Variants in RBFOX1 observed in about 807,000 individuals in gnomAD.
The protein encoded by RBFOX1 is RNA binding fox-1 homolog 1, also known as RNA binding protein fox-1 homolog 1.
RBFOX1 carries 8 observed loss-of-function variants against 57.7 expected under a neutral mutation model. That is an observed-to-expected ratio of 0.14 (90% CI 0.08 to 0.25). RBFOX1 has a LOEUF of 0.25. Among genes scored for constraint, RBFOX1 ranks in the 10% least tolerant of loss-of-function variants. The pLI is 1.00. For synonymous variants in RBFOX1, 326 were observed against 222.4 expected (o/e 1.47, Z -4.15); for missense variants, 611 against 548.5 (o/e 1.11, Z -1.14).
chr16:5,275,074 G>A (rs1596364146), intron 1 of RBFOX1, among the ~76,000 whole-genome samples: 1 of 152,194 alleles, frequency 6.6e-6, no homozygotes, highest in East Asian at 1.9e-4. Context: ...GGTCACAGAG[G>A]CTGCCACAAT....
intron 14 of RBFOX1, among the ~76,000 whole-genome samples, chr16:7,679,607 C>G (rs1207904049): frequency 1.3e-5 from 2 of 152,016 alleles, no homozygotes; most frequent in Non-Finnish European, 2.9e-5. Context: ...AGGATTTTAC[C>G]TTTTTTCAGC....
chr16:6,295,675 G>A (rs546023109), intron 1 of RBFOX1, among the ~76,000 whole-genome samples: 204 of 152,188 alleles, frequency 1.3e-3, no homozygotes, highest in Non-Finnish European at 2.4e-3. Context: ...CTGGAATGAA[G>A]CTGGTGATCC....
At chr16:6,081,778 A>G (rs183307443) in intron 1 of RBFOX1, among the ~76,000 whole-genome samples, 462 of 152,278 alleles carry the variant, frequency 3.0e-3, no homozygotes, top group African/African-American at 0.011. Context: ...AACAAAGTGA[A>G]CAGCCGTGTG....
intron 4 of RBFOX1, chr16:7,332,856 C>G: frequency 6.8e-7 from 1 of 1,466,446 alleles, no homozygotes; most frequent in Non-Finnish European, 9.0e-7. Context: ...TTTCTTTCCT[C>G]TCCCGGCGTT....
At chr16:5,715,099 T>C (rs1276367085) in intron 3 of RBFOX1, among the ~76,000 whole-genome samples, 2 of 152,246 alleles carry the variant, frequency 1.3e-5, no homozygotes, top group Non-Finnish European at 2.9e-5. Flanking sequence ...GTTTAGCAAA[T>C]GCTCAGTACC....
intron 4 of RBFOX1, among the ~76,000 whole-genome samples, chr16:7,476,231 C>T (rs1405799678): frequency 6.6e-6 from 1 of 152,212 alleles, no homozygotes; most frequent in Admixed American, 6.5e-5. Flanking sequence ...CCTAGGCCTC[C>T]CAAAGTGCTG....
intron 5 of RBFOX1, among the ~76,000 whole-genome samples, chr16:7,547,580 AG>A (rs1342068259): frequency 6.6e-6 from 1 of 152,262 alleles, no homozygotes; most frequent in Non-Finnish European, 1.5e-5. Context: ...TTTAATAGTC[AG>A]TTGACCACAC....
At chr16:5,910,312 C>T (rs1165706988) in intron 4 of RBFOX1, among the ~76,000 whole-genome samples, 1 of 152,132 alleles carries the variant, frequency 6.6e-6, no homozygotes, top group Non-Finnish European at 1.5e-5. Context: ...CACGTTCTCC[C>T]GTTCCCTGCC....
chr16:5,275,741 C>G (rs2063124416), intron 1 of RBFOX1, among the ~76,000 whole-genome samples: 3 of 152,112 alleles, frequency 2.0e-5, no homozygotes, highest in South Asian at 2.1e-4. Context: ...CAAAACTAAG[C>G]AAAAAGAACC....
At chr16:5,954,292 C>G (rs1422270284) in intron 4 of RBFOX1, among the ~76,000 whole-genome samples, 3 of 152,134 alleles carry the variant, frequency 2.0e-5, no homozygotes, top group Non-Finnish European at 4.4e-5. Flanking sequence ...GAGAGATGGA[C>G]AGGCCCTCAG....
intron 3 of RBFOX1, among the ~76,000 whole-genome samples, chr16:6,658,469 A>G (rs112517706): frequency 0.037 from 5,568 of 152,072 alleles, 255 homozygotes; most frequent in East Asian, 0.1. Flanking sequence ...AGCCTCCCAA[A>G]GTGCTGGGAT....
intron 3 of RBFOX1, among the ~76,000 whole-genome samples, chr16:6,995,113 G>T (rs1017285307): frequency 1.3e-5 from 2 of 152,080 alleles, no homozygotes; most frequent in South Asian, 2.1e-4. Context: ...ACCATAGTCT[G>T]TTATCTGTCA....
intron 4 of RBFOX1, among the ~76,000 whole-genome samples, chr16:7,271,007 T>C (rs2095306808): frequency 6.6e-6 from 1 of 152,196 alleles, no homozygotes; most frequent in African/African-American, 2.4e-5. Flanking sequence ...CCTGTGTCTT[T>C]ATTAGCCCTG....
At chr16:6,366,814 T>C (rs2089696021) in intron 2 of RBFOX1, among the ~76,000 whole-genome samples, 1 of 152,178 alleles carries the variant, frequency 6.6e-6, no homozygotes, top group African/African-American at 2.4e-5. Flanking sequence ...CCAGTGTCTT[T>C]TGGTGTCAGG....
intron 2 of RBFOX1, among the ~76,000 whole-genome samples, chr16:6,551,973 T>C: frequency 6.6e-6 from 1 of 152,212 alleles, no homozygotes; most frequent in East Asian, 1.9e-4. Context: ...TCTCATCTTC[T>C]AGTCATATCC....
chr16:7,474,311 A>G (rs1261976853), intron 4 of RBFOX1, among the ~76,000 whole-genome samples: 1 of 151,852 alleles, frequency 6.6e-6, no homozygotes, highest in Admixed American at 6.6e-5. Context: ...ACAAACAAAC[A>G]AAAAGCAGCC....
At chr16:7,673,442 TA>T (rs1206422488) in intron 13 of RBFOX1, among the ~76,000 whole-genome samples, 1 of 152,138 alleles carries the variant, frequency 6.6e-6, no homozygotes, top group African/African-American at 2.4e-5. Flanking sequence ...CACAGTGGCT[TA>T]CACCTGTAAT....
Position 6,853,861 on chromosome 16 carries a change from G to C in RBFOX1, c.-15-198196G>C, listed in dbSNP as rs532282687. On this transcript the variant is annotated intron_variant, in intron 3 of 15. Coordinates refer to ENST00000550418, the MANE Select transcript of RBFOX1 (RefSeq NM_018723.4). Reference sequence around the variant, plus strand: ...AGTGTGGTGACAAATGATGAGTATGGTAAATGGTTAATATAGCCAGGGCCA... The same window carrying C: ...AGTGTGGTGACAAATGATGAGTATGCTAAATGGTTAATATAGCCAGGGCCA... Among the ~76,000 whole-genome samples, 4 of 152,254 alleles carry C rather than the reference G, an allele frequency of 2.6e-5. 1 individual carries two copies. The South Asian group carries it at 8.3e-4, about 32-fold the overall frequency.
In RBFOX1 at chr16:5,994,078, C is replaced by T. The variant is rs116347972; in HGVS notation, c.351+126743C>T. Among the ~76,000 whole-genome samples, 246 of 152,252 alleles carry T rather than the reference C, an allele frequency of 1.6e-3. 1 individual carries two copies. Among genetic ancestry groups the T allele is most frequent in the African/African-American group, 5.4e-3 (224 of 41,556 alleles). On this transcript the variant is annotated intron_variant, in intron 4 of 19. Transcript: ENST00000641259. ...TAAATGATGCAGGATGGGAATGGAG[C>T]TATGGGGGCTCGTTCGACTCTCTCT...
Sources: gnomAD v4.1 joint callset for allele counts (sites outside exome capture counted in the v4.1 genomes callset) on GRCh38, gnomAD v4.1.1 for gene constraint, MANE v1.5 for transcripts, NCBI Gene and HGNC (gene_info 2026-07-23, HGNC 2026-07-21) for gene names.